Variants in ADGRB3 observed in about 807,000 individuals in gnomAD.
The protein encoded by ADGRB3 is adhesion G protein-coupled receptor B3, also known as brain-specific angiogenesis inhibitor 3.
In ADGRB3, 37 loss-of-function variants were observed where a neutral mutation model predicts 193.4. The ratio of observed to expected loss-of-function variants is 0.19; its 90% CI spans 0.15 to 0.25. The LOEUF is 0.25. ADGRB3 is among the 10% of genes least tolerant of loss of function. The pLI is 1.00. For synonymous variants in ADGRB3, 690 were observed against 644.2 expected (o/e 1.07, Z -1.08); for missense variants, 1,637 against 1,852.9 (o/e 0.88, Z 2.14).
At chr6:69,291,548 C>T (rs111573657) in intron 20 of ADGRB3, among the ~76,000 whole-genome samples, 389 of 152,256 alleles carry the variant, frequency 2.6e-3, no homozygotes, top group Non-Finnish European at 3.8e-3. Context: ...CCCTTAGTAT[C>T]ATTAGCAGTA....
intron 20 of ADGRB3, among the ~76,000 whole-genome samples, chr6:69,240,376 C>G (rs1029308625): frequency 1.3e-5 from 2 of 152,076 alleles, no homozygotes; most frequent in East Asian, 3.9e-4. Context: ...ATAAAAATTA[C>G]TTTCGTGTCT....
intron 13 of ADGRB3, among the ~76,000 whole-genome samples, chr6:69,030,336 T>G (rs1293219956): frequency 6.6e-6 from 1 of 152,132 alleles, no homozygotes; most frequent in Non-Finnish European, 1.5e-5. Context: ...GCAGCACTAT[T>G]CACAATAGCA....
intron 3 of ADGRB3, among the ~76,000 whole-genome samples, chr6:68,683,359 T>A (rs1764929070): frequency 6.6e-6 from 1 of 152,118 alleles, no homozygotes; most frequent in Non-Finnish European, 1.5e-5. Context: ...TATGATATCA[T>A]AAGATAAGAT....
chr6:68,847,044 G>C (rs192630986), intron 3 of ADGRB3, among the ~76,000 whole-genome samples: 12 of 152,304 alleles, frequency 7.9e-5, no homozygotes, highest in African/African-American at 2.9e-4. Context: ...GATGTGAGAC[G>C]TGGAGTCAAA....
At chr6:68,673,718 C>CT (rs899483932) in intron 3 of ADGRB3, among the ~76,000 whole-genome samples, 2 of 151,808 alleles carry the variant, frequency 1.3e-5, no homozygotes, top group African/African-American at 4.8e-5. Flanking sequence ...TTTTTCAGGG[C>CT]TTTTTTCCAG....
intron 5 of ADGRB3, 90 bp downstream of exon 5, chr6:68,936,770 G>A (rs1443297146): frequency 1.5e-6 from 2 of 1,366,018 alleles, no homozygotes; most frequent in Non-Finnish European, 9.9e-7. Flanking sequence ...TATGAAACGG[G>A]TATAGGCATT....
Position 69,083,921 on chromosome 6 carries a change from C to T in ADGRB3, c.2480+7883C>T, listed in dbSNP as rs566042351. Among the ~76,000 whole-genome samples the T allele has an allele frequency of 2.2e-4, 33 of 152,092 alleles. No individual in the cohort carries two copies. In the South Asian group the frequency reaches 6.4e-3, roughly 30 times the overall value. On this transcript the variant is annotated intron_variant, in intron 17 of 31. Coordinates refer to ENST00000370598, the MANE Select transcript of ADGRB3 (RefSeq NM_001704.3). ...TCCTGATTAGCTGAGATTACAGGTA[C>T]ATGCCACGACACCCAGCTAATTTTT...
intron 17 of ADGRB3, among the ~76,000 whole-genome samples, chr6:69,129,313 C>T (rs1195797615): frequency 6.6e-6 from 1 of 151,952 alleles, no homozygotes; most frequent in East Asian, 1.9e-4. Context: ...TGCACTGGAG[C>T]TTTTTAAAAT....
intron 20 of ADGRB3, among the ~76,000 whole-genome samples, chr6:69,260,081 G>A (rs1156735436): frequency 6.6e-6 from 1 of 152,158 alleles, no homozygotes; most frequent in African/African-American, 2.4e-5. Context: ...GATGTGATTT[G>A]TGCTCAGTTA....
chr6:68,963,337 G>A (rs1418362199), intron 8 of ADGRB3, among the ~76,000 whole-genome samples: 3 of 152,090 alleles, frequency 2.0e-5, no homozygotes, highest in Non-Finnish European at 2.9e-5. Flanking sequence ...CCCATATTAT[G>A]ACAACACCTG....
chr6:69,125,722 A>C (rs914222051), intron 17 of ADGRB3, among the ~76,000 whole-genome samples: 1 of 152,226 alleles, frequency 6.6e-6, no homozygotes, highest in East Asian at 1.9e-4. Context: ...TAAAGGGGAG[A>C]TCTGACTAAC....
intron 17 of ADGRB3, among the ~76,000 whole-genome samples, chr6:69,101,786 A>G (rs1367498209): frequency 1.3e-5 from 2 of 152,114 alleles, no homozygotes; most frequent in African/African-American, 2.4e-5. Flanking sequence ...TAGGAAATGA[A>G]GCACAGAGAG....
intron 24 of ADGRB3, among the ~76,000 whole-genome samples, chr6:69,333,890 AC>A (rs1768780998): frequency 6.6e-6 from 1 of 150,708 alleles, no homozygotes; most frequent in African/African-American, 2.4e-5. Flanking sequence ...AGATCGCGCC[AC>A]TGCACTCCAG....
intron 20 of ADGRB3, among the ~76,000 whole-genome samples, chr6:69,305,523 A>T (rs897633122): frequency 6.6e-6 from 1 of 151,376 alleles, no homozygotes; most frequent in South Asian, 2.1e-4. Flanking sequence ...TTAAGATTAG[A>T]TTTATACCCT....
chr6:68,971,461 A>G (rs532883772), intron 8 of ADGRB3, among the ~76,000 whole-genome samples: 8 of 152,276 alleles, frequency 5.3e-5, no homozygotes, highest in Middle Eastern at 3.4e-3. Context: ...TCGTATTTTC[A>G]ATAAGTGTTT....
chr6:68,754,865 G>A (rs535471263), intron 3 of ADGRB3, among the ~76,000 whole-genome samples: 1 of 152,080 alleles, frequency 6.6e-6, no homozygotes, highest in Admixed American at 6.6e-5. Context: ...GGATGAAAAA[G>A]GAAGCCATGG....
At chr6:69,165,603 A>G (rs1775111728) in intron 17 of ADGRB3, among the ~76,000 whole-genome samples, 1 of 152,040 alleles carries the variant, frequency 6.6e-6, no homozygotes, top group East Asian at 1.9e-4. Context: ...AGCCTCTCCA[A>G]CTAACAAACC....
chr6:69,174,026 G>A (rs902473875), intron 17 of ADGRB3, among the ~76,000 whole-genome samples: 1 of 151,904 alleles, frequency 6.6e-6, no homozygotes, highest in African/African-American at 2.4e-5. Context: ...TTGCTGTAAA[G>A]TAGTAAAACC....
intron 21 of ADGRB3, among the ~76,000 whole-genome samples, chr6:69,326,579 AG>A (rs1394953752): frequency 6.6e-6 from 1 of 152,196 alleles, no homozygotes; most frequent in African/African-American, 2.4e-5. Flanking sequence ...CTAAAGTATC[AG>A]AAAGTTTATG....
Sources: allele counts gnomAD v4.1 joint callset (sites outside exome capture counted in the v4.1 genomes callset), GRCh38; gene constraint gnomAD v4.1.1; transcripts MANE v1.5; gene names NCBI Gene and HGNC (gene_info 2026-07-23, HGNC 2026-07-21).